The following GRIP1 variants were observed in gnomAD, a reference collection of about 807,000 sequenced individuals.
GRIP1 encodes the protein glutamate receptor interacting protein 1.
In GRIP1, 45 loss-of-function variants were observed where a neutral mutation model predicts 129.9. The observed-to-expected ratio is 0.35, with a 90% CI of 0.27 to 0.44. The LOEUF (loss-of-function observed/expected upper bound fraction) is 0.44, where lower values mean the gene tolerates loss of function less well. Ranked by LOEUF, GRIP1 falls within the 20% of genes least tolerant of loss-of-function variation. The probability of loss-of-function intolerance (pLI) is 1.00; values close to 1 mark genes in which losing one functional copy is unlikely to be tolerated. For missense variants in GRIP1, 1,196 were observed against 1,396.8 expected, an observed-to-expected ratio of 0.86 and a Z score of 2.29; for synonymous variants, 530 against 520.8, an observed-to-expected ratio of 1.02 and a Z score of -0.24.
rs145251838 is a variant in GRIP1 at position 66,943,031 on chromosome 12, C to T, written c.58+126019G>A. Among the ~76,000 whole-genome samples the T allele has an allele frequency of 4.6e-5, 7 of 152,222 alleles. No individual in the cohort carries two copies. The East Asian group carries it at 1.2e-3, about 25-fold the overall frequency. On this transcript the variant is annotated intron_variant, in intron 1 of 1. Transcript: ENST00000643019. The stretch of plus-strand genomic sequence containing the variant: ...AGAGTTAAATATTGGTTGTTTAAGC[C>T]GCCCAGTCTGCAGTATTCTAATAGC...
intron 1 of GRIP1, among the ~76,000 whole-genome samples, chr12:66,607,915 T>A (rs2064610060): frequency 6.6e-6 from 1 of 152,184 alleles, no homozygotes; most frequent in Non-Finnish European, 1.5e-5. Context: ...TTATAGACTT[T>A]AGTTTTGAAA....
chr12:66,392,474 G>A lies in GRIP1; in HGVS notation c.2298C>T (p.Phe766=), dbSNP rs944380005. 2 of 1,614,018 alleles carry A rather than the reference G, an allele frequency of 1.2e-6. No individual in the cohort carries two copies. Among genetic ancestry groups the A allele is most frequent in the African/African-American group, 2.7e-5 (2 of 74,914 alleles). ...GGTCACTCAAATGGCTAGAAATAGG[G>A]AACTTCTTGGGGCTCGATGCTGACT... The part of the protein sequence containing the change: ...DAQSASSPKK[F]PISSHLSDLG... Residue 766 remains phenylalanine, a synonymous_variant, in exon 19 of 25, where the codon TTC becomes TTT. Transcript: ENST00000359742.
intron 1 of GRIP1, among the ~76,000 whole-genome samples, chr12:67,059,744 C>T (rs576242904): frequency 2.0e-5 from 3 of 152,316 alleles, no homozygotes; most frequent in East Asian, 3.9e-4. Flanking sequence ...CACACACGCC[C>T]ATCCTTCTGA....
chr12:66,525,341 T>C (rs1156600969), intron 5 of GRIP1, among the ~76,000 whole-genome samples: 1 of 152,196 alleles, frequency 6.6e-6, no homozygotes, highest in Non-Finnish European at 1.5e-5. Flanking sequence ...CATGATCAAG[T>C]GGGCTTCATC....
chr12:66,839,954 C>T (rs183485773), intron 1 of GRIP1, among the ~76,000 whole-genome samples: 1 of 152,114 alleles, frequency 6.6e-6, no homozygotes, highest in African/African-American at 2.4e-5. Context: ...TATAGGTAGC[C>T]ATTATAATCA....
At chr12:67,065,791 A>C (rs1455793813) in intron 1 of GRIP1, among the ~76,000 whole-genome samples, 1 of 152,234 alleles carries the variant, frequency 6.6e-6, no homozygotes, top group African/African-American at 2.4e-5. Context: ...TTATACTAAG[A>C]ATTTTCTCAA....
At chr12:66,581,759 A>G (rs2063390857) in intron 2 of GRIP1, among the ~76,000 whole-genome samples, 1 of 152,214 alleles carries the variant, frequency 6.6e-6, no homozygotes, top group Non-Finnish European at 1.5e-5. Context: ...TGTGGCAATA[A>G]TCAATAGCTT....
chr12:66,473,443 G>A (rs1053119890), intron 7 of GRIP1, among the ~76,000 whole-genome samples: 2 of 152,226 alleles, frequency 1.3e-5, no homozygotes, highest in African/African-American at 4.8e-5. Context: ...TCTGAAGAGA[G>A]CAGCAGATCT....
intron 1 of GRIP1, among the ~76,000 whole-genome samples, chr12:66,736,155 T>C (rs1051330034): frequency 6.6e-6 from 1 of 152,018 alleles, no homozygotes; most frequent in Non-Finnish European, 1.5e-5. Context: ...TCTGATAACA[T>C]AAACAGTCAA....
At chr12:66,747,464 G>A (rs2036984800) in intron 1 of GRIP1, among the ~76,000 whole-genome samples, 1 of 152,112 alleles carries the variant, frequency 6.6e-6, no homozygotes, top group Admixed American at 6.6e-5. Flanking sequence ...TAAACATGAA[G>A]TAAAAGAAGC....
chr12:66,751,367 G>GA, intron 1 of GRIP1, among the ~76,000 whole-genome samples: 1 of 152,264 alleles, frequency 6.6e-6, no homozygotes, highest in East Asian at 1.9e-4. Flanking sequence ...AGTACAGGCA[G>GA]AAAAGGGGTA....
intron 1 of GRIP1, among the ~76,000 whole-genome samples, chr12:67,035,207 GA>G (rs199734091): frequency 2.6e-5 from 4 of 150,944 alleles, no homozygotes; most frequent in Admixed American, 6.6e-5. Context: ...GGATAAAGTA[GA>G]AAAAAAAACG....
chr12:66,541,750 G>C (rs912367209), intron 3 of GRIP1, 65 bp downstream of exon 3: 33 of 1,526,900 alleles, frequency 2.2e-5, no homozygotes, highest in Middle Eastern at 1.7e-4. Context: ...TTTTGATGGA[G>C]CTTTAATTTT....
In GRIP1 at chr12:66,456,039, A is replaced by C. The variant is rs570096264; in HGVS notation, c.1198+148T>G. On this transcript the variant is annotated intron_variant, in intron 10 of 24. Transcript: ENST00000359742. ...CAACAAATGCTTTCTGATGGAAAAG[A>C]AAAAAACCTAGGAGATGTCAGAAAT... 5 of 426,230 alleles carry C rather than the reference A, an allele frequency of 1.2e-5. No homozygotes were observed. The East Asian group carries it at 3.5e-4, about 30-fold the overall frequency. The allele number at this position is 426,230 out of a possible 1,614,324, so 26.4% of individuals were successfully genotyped here. A position where few individuals can be genotyped will look rare whatever the true frequency, so the allele number is the denominator to read the frequency against.
chr12:66,793,831 T>C (rs1592851784), intron 1 of GRIP1, among the ~76,000 whole-genome samples: 1 of 152,140 alleles, frequency 6.6e-6, no homozygotes, highest in Non-Finnish European at 1.5e-5. Context: ...CCGACAATTG[T>C]GTAACATTGA....
chr12:67,041,223 AT>A (rs573562158), intron 1 of GRIP1, among the ~76,000 whole-genome samples: 83 of 152,230 alleles, frequency 5.5e-4, no homozygotes, highest in Admixed American at 2.2e-3. Flanking sequence ...ACATATGTGT[AT>A]TATATATACA....
chr12:66,579,967 A>C (rs1196657373), intron 2 of GRIP1, among the ~76,000 whole-genome samples: 4 of 148,088 alleles, frequency 2.7e-5, no homozygotes, highest in Non-Finnish European at 6.0e-5. Flanking sequence ...AGATTCACCA[A>C]AGTTGAAATG....
chr12:67,027,395 C>G (rs1447412404), intron 1 of GRIP1, among the ~76,000 whole-genome samples: 2 of 152,218 alleles, frequency 1.3e-5, no homozygotes, highest in Non-Finnish European at 2.9e-5. Context: ...TGTTGAAATA[C>G]AAATGCAGCC....
At chr12:66,594,996 A>C (rs2063991383) in intron 2 of GRIP1, among the ~76,000 whole-genome samples, 1 of 152,262 alleles carries the variant, frequency 6.6e-6, no homozygotes, top group African/African-American at 2.4e-5. Flanking sequence ...ATTAAGTAAT[A>C]ATCTACTGTT....
Sources: gnomAD v4.1 joint callset for allele counts (sites outside exome capture counted in the v4.1 genomes callset) on GRCh38, gnomAD v4.1.1 for gene constraint, MANE v1.5 for transcripts, NCBI Gene and HGNC (gene_info 2026-07-23, HGNC 2026-07-21) for gene names.